The following ARHGAP24 variants were observed in gnomAD, a reference collection of about 807,000 sequenced individuals.
The protein encoded by ARHGAP24 is Rho GTPase activating protein 24.
A neutral mutation model predicts 76.4 loss-of-function variants in ARHGAP24; 50 were observed. The ratio of observed to expected loss-of-function variants is 0.65; its 90% CI spans 0.52 to 0.83. ARHGAP24 has a LOEUF of 0.83. Among genes scored for constraint, ARHGAP24 ranks in the 40% least tolerant of loss-of-function variants. The pLI, the probability that ARHGAP24 is intolerant of heterozygous loss-of-function variation, is 0.00. For synonymous variants in ARHGAP24, 345 were observed against 323.3 expected, an observed-to-expected ratio of 1.07 and a Z score of -0.72; for missense variants, 930 against 914.2, an observed-to-expected ratio of 1.02 and a Z score of -0.22.
intron 2 of ARHGAP24, among the ~76,000 whole-genome samples, chr4:85,661,045 G>A (rs1053449215): frequency 2.0e-5 from 3 of 152,058 alleles, no homozygotes; most frequent in Non-Finnish European, 2.9e-5. Flanking sequence ...CATTTGACCA[G>A]TAACATTGCA....
chr4:85,886,603 G>A (rs1418223434), intron 3 of ARHGAP24, among the ~76,000 whole-genome samples: 3 of 152,086 alleles, frequency 2.0e-5, no homozygotes, highest in African/African-American at 7.2e-5. Flanking sequence ...TTTTCTAAAT[G>A]GCACTTTAAA....
At chr4:85,798,496 C>T (rs1025452579) in intron 3 of ARHGAP24, among the ~76,000 whole-genome samples, 1 of 152,222 alleles carries the variant, frequency 6.6e-6, no homozygotes, top group Non-Finnish European at 1.5e-5. Flanking sequence ...GACAAAATTC[C>T]ACAGGACTGT....
chr4:85,608,107 T>G (rs4450919), intron 2 of ARHGAP24, among the ~76,000 whole-genome samples: 40,365 of 152,122 alleles, frequency 0.27, 7,486 homozygotes, highest in East Asian at 0.84. Flanking sequence ...AATTCTAATA[T>G]GTTGTTTATA....
At chr4:85,648,233 T>C (rs1197886286) in intron 2 of ARHGAP24, among the ~76,000 whole-genome samples, 1 of 152,100 alleles carries the variant, frequency 6.6e-6, no homozygotes, top group Non-Finnish European at 1.5e-5. Context: ...CAGTTATATC[T>C]TACAGAAGTC....
chr4:85,874,329 C>A (rs1732702857), intron 3 of ARHGAP24, among the ~76,000 whole-genome samples: 1 of 152,052 alleles, frequency 6.6e-6, no homozygotes, highest in Non-Finnish European at 1.5e-5. Flanking sequence ...GAATCTTATT[C>A]CAGGTGTAGA....
At chr4:85,941,172 G>C (rs1736926984) in intron 4 of ARHGAP24, among the ~76,000 whole-genome samples, 1 of 152,020 alleles carries the variant, frequency 6.6e-6, no homozygotes, top group Non-Finnish European at 1.5e-5. Context: ...CTCATAAGTT[G>C]ATAATTTTTA....
At chr4:85,709,991 T>G (rs1370590471) in intron 2 of ARHGAP24, among the ~76,000 whole-genome samples, 1 of 152,106 alleles carries the variant, frequency 6.6e-6, no homozygotes, top group Non-Finnish European at 1.5e-5. Context: ...CCAATGACAT[T>G]CTTCTCTGAA....
intron 2 of ARHGAP24, among the ~76,000 whole-genome samples, chr4:85,679,461 A>G (rs944478510): frequency 6.6e-6 from 1 of 152,100 alleles, no homozygotes; most frequent in Admixed American, 6.6e-5. Context: ...GTTTCCTTTG[A>G]CATCCACTGT....
chr4:85,547,442 A>AT (rs60886114), intron 1 of ARHGAP24, among the ~76,000 whole-genome samples: 31 of 149,050 alleles, frequency 2.1e-4, no homozygotes, highest in African/African-American at 2.7e-4. Context: ...TGGCAATGTA[A>AT]TTTTTTTTTT....
chr4:85,679,455 C>A (rs1318038697), intron 2 of ARHGAP24, among the ~76,000 whole-genome samples: 2 of 152,118 alleles, frequency 1.3e-5, no homozygotes, highest in African/African-American at 4.8e-5. Flanking sequence ...ATTTTGGTTT[C>A]CTTTGACATC....
chr4:85,945,092 C>T (rs915419309), intron 5 of ARHGAP24, among the ~76,000 whole-genome samples: 2 of 151,874 alleles, frequency 1.3e-5, no homozygotes, highest in African/African-American at 2.4e-5. Context: ...GTGATCCACC[C>T]GACTCAGCCT....
intron 3 of ARHGAP24, among the ~76,000 whole-genome samples, chr4:85,860,684 C>A (rs1247973365): frequency 6.6e-6 from 1 of 151,974 alleles, no homozygotes; most frequent in African/African-American, 2.4e-5. Flanking sequence ...AGGTGCAATA[C>A]AAAATAATTT....
intron 5 of ARHGAP24, among the ~76,000 whole-genome samples, chr4:85,970,793 A>G (rs540271458): frequency 6.6e-6 from 1 of 151,774 alleles, no homozygotes. Context: ...GTTCACTACT[A>G]CTCTTCCCGG....
chr4:85,962,563 T>A (rs747838541), intron 5 of ARHGAP24, among the ~76,000 whole-genome samples: 10 of 152,046 alleles, frequency 6.6e-5, no homozygotes, highest in Non-Finnish European at 1.3e-4. Context: ...TCTTGTTGTG[T>A]CTCTTACAGT....
intron 3 of ARHGAP24, among the ~76,000 whole-genome samples, chr4:85,905,443 C>T (rs889639934): frequency 6.6e-6 from 1 of 152,122 alleles, no homozygotes; most frequent in African/African-American, 2.4e-5. Context: ...TATGAATATT[C>T]ACACCATATA....
At chr4:85,848,680 A>G (rs345326) in intron 3 of ARHGAP24, among the ~76,000 whole-genome samples, 127,212 of 152,168 alleles carry the variant, frequency 0.84, 55,514 homozygotes, top group Non-Finnish European at 0.97. Flanking sequence ...GCCAGTTTGC[A>G]CAACGCCATT....
chr4:85,515,196 A>C (rs912084399), intron 1 of ARHGAP24, among the ~76,000 whole-genome samples: 5 of 152,266 alleles, frequency 3.3e-5, no homozygotes, highest in African/African-American at 2.4e-5. Context: ...ATTATCTGAG[A>C]ATTCCTCCAA....
chr4:85,879,384 A>G (rs1156285223), intron 3 of ARHGAP24, among the ~76,000 whole-genome samples: 1 of 152,202 alleles, frequency 6.6e-6, no homozygotes, highest in Non-Finnish European at 1.5e-5. Context: ...TGTAAATGTA[A>G]AAAGTGATAA....
At chr4:85,742,746 G>T (rs564093404) in intron 3 of ARHGAP24, among the ~76,000 whole-genome samples, 1 of 152,264 alleles carries the variant, frequency 6.6e-6, no homozygotes, top group African/African-American at 2.4e-5. Context: ...ATTATGAATT[G>T]TTTTCAAGTT....
Sources: allele counts gnomAD v4.1 joint callset (sites outside exome capture counted in the v4.1 genomes callset), GRCh38; gene constraint gnomAD v4.1.1; transcripts MANE v1.5; gene names NCBI Gene and HGNC (gene_info 2026-07-23, HGNC 2026-07-21).